Variants in PDE1A observed in about 807,000 individuals in gnomAD.
The protein encoded by PDE1A is phosphodiesterase 1A.
PDE1A carries 35 observed loss-of-function variants against 61.7 expected under a neutral mutation model. The ratio of observed to expected loss-of-function variants is 0.57; its 90% CI spans 0.43 to 0.75. The LOEUF (loss-of-function observed/expected upper bound fraction) is 0.75. PDE1A is among the 30% of genes least tolerant of loss of function. PDE1A has a pLI of 0.00. For missense variants in PDE1A, 597 were observed against 630.6 expected (o/e 0.95, Z 0.57); for synonymous variants, 232 against 213.2 (o/e 1.09, Z -0.77).
intron 3 of PDE1A, among the ~76,000 whole-genome samples, chr2:182,236,458 A>G (rs1352404842): frequency 6.6e-6 from 1 of 152,128 alleles, no homozygotes; most frequent in Non-Finnish European, 1.5e-5. Context: ...AAAAGCGTCA[A>G]TATAAAAATC....
intron 13 of PDE1A, among the ~76,000 whole-genome samples, chr2:182,150,009 G>A (rs1446144938): frequency 6.6e-6 from 1 of 152,026 alleles, no homozygotes; most frequent in Non-Finnish European, 1.5e-5. Flanking sequence ...CTCCATTAAT[G>A]CATTAAATTA....
intron 1 of PDE1A, among the ~76,000 whole-genome samples, chr2:182,346,533 T>C (rs1698530166): frequency 6.6e-6 from 1 of 152,118 alleles, no homozygotes; most frequent in South Asian, 2.1e-4. Context: ...AATCAAGCAG[T>C]TTAGTTTTAA....
intron 2 of PDE1A, among the ~76,000 whole-genome samples, chr2:182,506,290 T>C (rs1356134495): frequency 6.6e-6 from 1 of 152,218 alleles, no homozygotes; most frequent in Non-Finnish European, 1.5e-5. Flanking sequence ...TGATTATAAG[T>C]AGGAAATACC....
chr2:182,414,628 G>A (rs191512246), intron 1 of PDE1A, among the ~76,000 whole-genome samples: 1 of 152,214 alleles, frequency 6.6e-6, no homozygotes, highest in Admixed American at 6.5e-5. Flanking sequence ...AAAAGAGAGG[G>A]CAGTGGGAAG....
At chr2:182,449,020 T>C (rs1685323486) in intron 2 of PDE1A, among the ~76,000 whole-genome samples, 1 of 147,782 alleles carries the variant, frequency 6.8e-6, no homozygotes, top group Non-Finnish European at 1.5e-5. Context: ...TTAACAGAAT[T>C]GTACCACTAC....
the PDE1A span, among the ~76,000 whole-genome samples, chr2:182,673,458 C>T: frequency 6.6e-6 from 1 of 151,786 alleles, no homozygotes; most frequent in Non-Finnish European, 1.5e-5. Flanking sequence ...CCTTTTAGTT[C>T]AATACATCTA....
chr2:182,210,489 T>A (rs1369969285), intron 7 of PDE1A, among the ~76,000 whole-genome samples: 1 of 152,228 alleles, frequency 6.6e-6, no homozygotes, highest in Non-Finnish European at 1.5e-5. Context: ...GGTTCATTTT[T>A]AAATTAGGTT....
the PDE1A span, among the ~76,000 whole-genome samples, chr2:182,558,164 C>T: frequency 6.6e-6 from 1 of 151,548 alleles, no homozygotes; most frequent in Non-Finnish European, 1.5e-5. Context: ...AGTTTGGCAT[C>T]CTTCTGTTAT....
At chr2:182,671,751 C>T in the PDE1A span, among the ~76,000 whole-genome samples, 1,012 of 151,520 alleles carry the variant, frequency 6.7e-3, 11 homozygotes, top group Non-Finnish European at 0.012. Flanking sequence ...TCCCAAGTAG[C>T]TGGTACTACA....
At chr2:182,363,366 A>G (rs2125184027) in intron 1 of PDE1A, among the ~76,000 whole-genome samples, 1 of 152,154 alleles carries the variant, frequency 6.6e-6, no homozygotes, top group Non-Finnish European at 1.5e-5. Flanking sequence ...GAAAAGAGAG[A>G]ATATAAATAC....
At chr2:182,352,299 C>A (rs747315449) in intron 1 of PDE1A, among the ~76,000 whole-genome samples, 1 of 152,122 alleles carries the variant, frequency 6.6e-6, no homozygotes, top group Non-Finnish European at 1.5e-5. Flanking sequence ...GTCACATTGC[C>A]CCTGTGGGAC....
chr2:182,163,449 A>T (rs1691492957), downstream of PDE1A, among the ~76,000 whole-genome samples: 1 of 152,012 alleles, frequency 6.6e-6, no homozygotes, highest in Non-Finnish European at 1.5e-5. Flanking sequence ...CACTTCATTG[A>T]TGATATTATG....
At chr2:182,566,310 C>A in the PDE1A span, among the ~76,000 whole-genome samples, 1 of 152,028 alleles carries the variant, frequency 6.6e-6, no homozygotes, top group Non-Finnish European at 1.5e-5. Context: ...TGACCCTACA[C>A]CTTCTAATAC....
downstream of PDE1A, among the ~76,000 whole-genome samples, chr2:182,164,129 T>C (rs1271125995): frequency 4.6e-5 from 7 of 152,090 alleles, no homozygotes; most frequent in Admixed American, 3.3e-4. Flanking sequence ...AGCCATAAAG[T>C]TGGGGAGACA....
chr2:182,268,463 A>C (rs1692787184), intron 1 of PDE1A, among the ~76,000 whole-genome samples: 1 of 152,052 alleles, frequency 6.6e-6, no homozygotes, highest in South Asian at 2.1e-4. Context: ...ATATATACAT[A>C]TATACATATA....
chr2:182,506,899 CTCTA>C (rs1689447668), intron 2 of PDE1A, among the ~76,000 whole-genome samples: 1 of 152,214 alleles, frequency 6.6e-6, no homozygotes, highest in Admixed American at 6.5e-5. Flanking sequence ...CCCTGCTTTA[CTCTA>C]TACTTCTCTT....
intron 2 of PDE1A, among the ~76,000 whole-genome samples, chr2:182,478,513 C>G (rs1687512498): frequency 1.3e-5 from 2 of 151,850 alleles, no homozygotes; most frequent in Non-Finnish European, 2.9e-5. Flanking sequence ...CACATATATA[C>G]CACTCTTATT....
chr2:182,656,260 G>A, the PDE1A span, among the ~76,000 whole-genome samples: 1 of 152,208 alleles, frequency 6.6e-6, no homozygotes, highest in Admixed American at 6.5e-5. Flanking sequence ...GACACATGAA[G>A]TACAGATTTA....
chr2:182,574,043 T>C, the PDE1A span, among the ~76,000 whole-genome samples: 1 of 151,346 alleles, frequency 6.6e-6, no homozygotes, highest in Non-Finnish European at 1.5e-5. Flanking sequence ...GGCCCCACGA[T>C]AGGCTGTCTG....
Sources: gnomAD v4.1 joint callset for allele counts (sites outside exome capture counted in the v4.1 genomes callset) on GRCh38, gnomAD v4.1.1 for gene constraint, MANE v1.5 for transcripts, NCBI Gene and HGNC (gene_info 2026-07-23, HGNC 2026-07-21) for gene names.